NUP98: variants seen among roughly 807,000 people sequenced by gnomAD.
NUP98 encodes the protein nucleoporin 98 and 96 precursor, also known as nuclear pore complex protein Nup98-Nup96.
NUP98 carries 26 observed loss-of-function variants against 191.9 expected under a neutral mutation model. That is an observed-to-expected ratio of 0.14 (90% CI 0.10 to 0.19). The LOEUF (loss-of-function observed/expected upper bound fraction) is 0.19. Among genes scored for constraint, NUP98 ranks in the 10% least tolerant of loss-of-function variants. The pLI, the probability that NUP98 is intolerant of heterozygous loss-of-function variation, is 1.00. For synonymous variants in NUP98, 808 were observed against 778.4 expected (o/e 1.04, Z -0.63); for missense variants, 1,941 against 2,178.8 (o/e 0.89, Z 2.17).
intron 18 of NUP98, 120 bp downstream of exon 18, chr11:3,719,292 T>C (rs1385563816): frequency 4.3e-6 from 3 of 696,162 alleles, no homozygotes; most frequent in African/African-American, 3.8e-5. Context: ...GTAGAGACAA[T>C]AAATGTACTC....
chr11:3,781,630 G>A (rs1354790042), intron 2 of NUP98, among the ~76,000 whole-genome samples: 1 of 151,730 alleles, frequency 6.6e-6, no homozygotes, highest in East Asian at 1.9e-4. Context: ...GAGGGTTGAT[G>A]GGAATTAGAC....
chr11:3,742,945 C>T (rs1162536224), intron 12 of NUP98, among the ~76,000 whole-genome samples: 1 of 152,120 alleles, frequency 6.6e-6, no homozygotes, highest in African/African-American at 2.4e-5. Context: ...TTCTATTTAT[C>T]TCAGTTACTC....
intron 11 of NUP98, among the ~76,000 whole-genome samples, chr11:3,749,605 C>T (rs910957450): frequency 7.2e-5 from 11 of 151,818 alleles, no homozygotes; most frequent in African/African-American, 2.4e-4. Context: ...AGCCTGGCAA[C>T]GAGAGAAACT....
In NUP98 at chr11:3,763,057, T is replaced by C. The variant is rs2081226278; in HGVS notation, c.949-18A>G. The C allele has an allele frequency of 1.2e-6, 2 of 1,611,348 alleles. No individual in the cohort carries two copies. The highest frequency in any genetic ancestry group is 1.7e-6 in the Non-Finnish European group (2 of 1,178,898). On this transcript the variant is annotated intron_variant, in intron 8 of 32. Transcript: ENST00000324932. ...AATAATCCCTGCAAAGAAGTTTATA[T>C]AGATTAAAAGATATCCTGTAATAGT...
chr11:3,785,242 A>C (rs571738260), intron 1 of NUP98, among the ~76,000 whole-genome samples: 144 of 152,206 alleles, frequency 9.5e-4, no homozygotes, highest in Non-Finnish European at 1.5e-3. Context: ...GAAGAACCTG[A>C]TAATTAACCA....
chr11:3,794,953 C>T (rs956994684), intron 1 of NUP98, among the ~76,000 whole-genome samples: 2 of 152,158 alleles, frequency 1.3e-5, no homozygotes, highest in Admixed American at 1.3e-4. Flanking sequence ...AGTTCCCTAA[C>T]CTTTCAACAA....
chr11:3,712,966 G>C (rs1424647029), intron 19 of NUP98, among the ~76,000 whole-genome samples: 2 of 152,138 alleles, frequency 1.3e-5, no homozygotes, highest in African/African-American at 4.8e-5. Flanking sequence ...ACATTAAAAT[G>C]TCATTTAAAC....
At chr11:3,689,763 C>CCTGAGTA (rs1382196467) in intron 28 of NUP98, among the ~76,000 whole-genome samples, 4 of 151,888 alleles carry the variant, frequency 2.6e-5, no homozygotes, top group Non-Finnish European at 5.9e-5. Context: ...CCCTCAGCCT[C>CCTGAGTA]CTGAGTAGCT....
intron 8 of NUP98, among the ~76,000 whole-genome samples, chr11:3,765,673 C>CTT (rs2081312418): frequency 6.6e-6 from 1 of 151,960 alleles, no homozygotes; most frequent in African/African-American, 2.4e-5. Flanking sequence ...CGGTGGCGCA[C>CTT]ACCTGTAATC....
At chr11:3,764,196 CAT>C (rs1160227775) in intron 8 of NUP98, among the ~76,000 whole-genome samples, 2 of 152,032 alleles carry the variant, frequency 1.3e-5, no homozygotes, top group Non-Finnish European at 2.9e-5. Context: ...TGAATGGAGT[CAT>C]AAAAAATGTG....
At position 3,773,946 on chromosome 11, in the gene NUP98, A is replaced by T. The variant is rs911894845; in HGVS notation, c.496-207T>A. ...CTGAATAAATCGATCTTAGTAACAA[A>T]GTAATCACAAACGCAGGGATTAATC... On this transcript the variant is annotated intron_variant, in intron 5 of 32. Transcript: ENST00000324932. 9.2e-5 allele frequency among the ~76,000 whole-genome samples: 14 copies of T among 152,354 alleles called. No homozygotes were observed. In the South Asian group the frequency reaches 2.3e-3, roughly 25 times the overall value.
intron 10 of NUP98, among the ~76,000 whole-genome samples, chr11:3,755,147 A>G (rs1460634847): frequency 2.0e-5 from 3 of 152,108 alleles, no homozygotes; most frequent in African/African-American, 7.2e-5. Flanking sequence ...TTTGCAGAAC[A>G]TATGAAGTCA....
chr11:3,721,382 C>A (rs1191515592), intron 16 of NUP98, among the ~76,000 whole-genome samples: 1 of 151,986 alleles, frequency 6.6e-6, no homozygotes, highest in Non-Finnish European at 1.5e-5. Context: ...ATTTACACTC[C>A]CAAATAAAGA....
chr11:3,741,105 A>G (rs2080269341), intron 12 of NUP98, among the ~76,000 whole-genome samples: 2 of 151,582 alleles, frequency 1.3e-5, no homozygotes, highest in South Asian at 4.2e-4. Flanking sequence ...TACAGTCATG[A>G]GCCACCATGC....
At chr11:3,785,154 T>C (rs78936575) in intron 1 of NUP98, among the ~76,000 whole-genome samples, 15 of 123,346 alleles carry the variant, frequency 1.2e-4, no homozygotes, top group Non-Finnish European at 2.1e-4. Flanking sequence ...TATAAATGAA[T>C]AAAAAAAAAA....
intron 1 of NUP98, among the ~76,000 whole-genome samples, chr11:3,796,087 G>A (rs1401474776): frequency 6.6e-6 from 1 of 152,148 alleles, no homozygotes; most frequent in Non-Finnish European, 1.5e-5. Context: ...CTGTAACCCA[G>A]TTAACTCGAG....
intron 13 of NUP98, among the ~76,000 whole-genome samples, chr11:3,734,961 G>A (rs147481006): frequency 4.1e-4 from 63 of 152,318 alleles, no homozygotes; most frequent in African/African-American, 1.5e-3. Context: ...TTTCAGGACT[G>A]TTGAAAACCC....
intron 5 of NUP98, 106 bp downstream of exon 5, chr11:3,775,776 G>A: frequency 9.8e-7 from 1 of 1,016,838 alleles, no homozygotes; most frequent in Non-Finnish European, 1.5e-6. Flanking sequence ...CATCGTTCAG[G>A]CAGTGTCAAG....
intron 12 of NUP98, among the ~76,000 whole-genome samples, chr11:3,740,302 G>A (rs557756940): frequency 1.3e-5 from 2 of 152,114 alleles, no homozygotes; most frequent in Non-Finnish European, 2.9e-5. Context: ...CTTGAGGTCA[G>A]GAGTTCGTGA....
Sources: gnomAD v4.1 joint callset for allele counts (sites outside exome capture counted in the v4.1 genomes callset) on GRCh38, gnomAD v4.1.1 for gene constraint, MANE v1.5 for transcripts, NCBI Gene and HGNC (gene_info 2026-07-23, HGNC 2026-07-21) for gene names.